FBXO25: variants seen among roughly 807,000 people sequenced by gnomAD.
The protein encoded by FBXO25 is F-box protein 25.
FBXO25 carries 45 observed loss-of-function variants against 51.9 expected under a neutral mutation model. The ratio of observed to expected loss-of-function variants is 0.87; its 90% CI spans 0.68 to 1.11. The LOEUF (loss-of-function observed/expected upper bound fraction) is 1.11. Ranked by LOEUF, FBXO25 falls within the 50% of genes most tolerant of loss-of-function variation. FBXO25 has a pLI of 0.00. For missense variants in FBXO25, 507 were observed against 428.5 expected (o/e 1.18, Z -1.62); for synonymous variants, 199 against 151.0 (o/e 1.32, Z -2.33).
chr8:434,980 G>A (rs71514145), intron 4 of FBXO25, among the ~76,000 whole-genome samples: 2,589 of 152,222 alleles, frequency 0.017, 31 homozygotes, highest in Non-Finnish European at 0.027. Flanking sequence ...AAAGCTGCCC[G>A]TGGTCACATC....
At chr8:456,203 T>C (rs1799418274) in intron 7 of FBXO25, among the ~76,000 whole-genome samples, 1 of 152,204 alleles carries the variant, frequency 6.6e-6, no homozygotes, top group Admixed American at 6.5e-5. Flanking sequence ...ACGTTATCTT[T>C]TTGTTTTGTT....
chr8:448,791 A>G (rs999830350), intron 5 of FBXO25, among the ~76,000 whole-genome samples: 8 of 152,174 alleles, frequency 5.3e-5, no homozygotes, highest in African/African-American at 1.9e-4. Context: ...AGAGGGATGG[A>G]AGGAAGAAGG....
intron 7 of FBXO25, among the ~76,000 whole-genome samples, chr8:456,629 A>G (rs954681976): frequency 1.3e-5 from 2 of 152,174 alleles, no homozygotes; most frequent in African/African-American, 4.8e-5. Flanking sequence ...ACAGGGCAGG[A>G]CAGCACACTA....
chr8:410,988 G>C (rs115390809), intron 1 of FBXO25, among the ~76,000 whole-genome samples: 2,010 of 152,054 alleles, frequency 0.013, 38 homozygotes, highest in African/African-American at 0.045. Flanking sequence ...GTATCTTCTA[G>C]GATTGTATAA....
chr8:468,360 GA>G (rs1232699319), intron 9 of FBXO25: 1 of 786,368 alleles, frequency 1.3e-6, no homozygotes, highest in African/African-American at 1.9e-5. Context: ...GAATGGCTGG[GA>G]CCAGAGGACA....
intron 2 of FBXO25, among the ~76,000 whole-genome samples, chr8:418,356 T>TTTTTTTTTTTTC (rs1796940850): frequency 7.0e-6 from 1 of 143,474 alleles, no homozygotes; most frequent in Non-Finnish European, 1.5e-5. Flanking sequence ...TTTTTTTTTT[T>TTTTTTTTTTTTC]TGAGATGGAG....
intron 2 of FBXO25, among the ~76,000 whole-genome samples, chr8:428,097 G>C (rs917905143): frequency 6.6e-6 from 1 of 152,140 alleles, no homozygotes; most frequent in Non-Finnish European, 1.5e-5. Context: ...TCCGTTCTTG[G>C]CTCTTGTTTA....
At chr8:443,180 T>C (rs1798533362) in intron 5 of FBXO25, among the ~76,000 whole-genome samples, 1 of 151,192 alleles carries the variant, frequency 6.6e-6, no homozygotes. Context: ...GGATAGGTGG[T>C]GTCAGGGCAG....
intron 5 of FBXO25, among the ~76,000 whole-genome samples, chr8:442,083 C>T (rs1001919198): frequency 6.6e-6 from 1 of 152,096 alleles, no homozygotes; most frequent in Non-Finnish European, 1.5e-5. Flanking sequence ...TATTGCTAAT[C>T]AGGCTTTTGT....
rs780315710 is a variant in FBXO25 at position 458,394 on chromosome 8, G to C, written c.686G>C (p.Ser229Thr). 14 of 1,613,852 alleles carry C rather than the reference G, an allele frequency of 8.7e-6. No individual in the cohort carries two copies. Among genetic ancestry groups the C allele is most frequent in the Non-Finnish European group, 1.0e-5 (12 of 1,179,928 alleles). Residue 229 changes from serine to threonine, a missense_variant, in exon 8 of 10, where the codon AGT becomes ACT. Ser to Thr is a moderately conservative substitution (Grantham distance 58). Transcript: ENST00000350302. ...TKQVNNGLTL[S>T]DLPLHMLNNI... Reference sequence around the variant, plus strand: ...CAAGTGAACAATGGCCTCACCCTCAGTGACCTTCCTCTGCACATGCTGAAC... The same window carrying C: ...CAAGTGAACAATGGCCTCACCCTCACTGACCTTCCTCTGCACATGCTGAAC...
At chr8:430,186 G>A (rs571933404) in intron 2 of FBXO25, among the ~76,000 whole-genome samples, 8 of 152,190 alleles carry the variant, frequency 5.3e-5, no homozygotes, top group African/African-American at 1.9e-4. Context: ...TGTAATTTTC[G>A]TTAGAAAAAC....
At chr8:433,668 T>C (rs909239076) in intron 4 of FBXO25, among the ~76,000 whole-genome samples, 2 of 152,196 alleles carry the variant, frequency 1.3e-5, no homozygotes, top group African/African-American at 4.8e-5. Flanking sequence ...TTTATAGGCC[T>C]AGAAACTCTG....
chr8:414,002 A>T (rs1023055312), intron 2 of FBXO25, among the ~76,000 whole-genome samples: 1 of 152,176 alleles, frequency 6.6e-6, no homozygotes, highest in African/African-American at 2.4e-5. Context: ...CTAGAATGTC[A>T]TGGGTCTAGT....
rs756079658 is a variant in FBXO25 at position 468,849 on chromosome 8, CTG to C, written c.*48_*49del. 1.2e-4 allele frequency: 186 copies of C among 1,556,494 alleles called. No homozygotes were observed. Among genetic ancestry groups the C allele is most frequent in the Non-Finnish European group, 1.6e-4 (183 of 1,133,768 alleles). On this transcript the variant is annotated 3_prime_UTR_variant, in exon 10 of 10. Coordinates refer to ENST00000350302, the MANE Select transcript of FBXO25 (RefSeq NM_183420.2). The stretch of plus-strand genomic sequence containing the variant: ...TATTGGAGATTGTGAATCCTGCTGT[CTG>C]TGCAGGGCTCATAGTGAGTGTTCTG...
chr8:469,006 A>C lies in FBXO25; in HGVS notation c.*202A>C, dbSNP rs1194606018. 1.8e-6 allele frequency: 1 copy of C among 548,640 alleles called. No individual in the cohort carries two copies. Among genetic ancestry groups the C allele is most frequent in the Middle Eastern group, 4.7e-4 (1 of 2,130 alleles). The allele number at this position is 548,640 out of a possible 1,614,324, so 34.0% of individuals were successfully genotyped here. A position where few individuals can be genotyped will look rare whatever the true frequency, so the allele number is the denominator to read the frequency against. On this transcript the variant is annotated 3_prime_UTR_variant, in exon 10 of 10. Coordinates refer to ENST00000350302, the MANE Select transcript of FBXO25 (RefSeq NM_183420.2). ...GTCAGAGGCCAAGGAAATCATTTCT[A>C]CTTCTTTAAAAACTCCTTCTAAGCA...
chr8:429,791 C>T (rs762002402), intron 2 of FBXO25, among the ~76,000 whole-genome samples: 1 of 152,234 alleles, frequency 6.6e-6, no homozygotes, highest in Non-Finnish European at 1.5e-5. Context: ...TGAGCCCTAC[C>T]ACTGCCCAGG....
chr8:431,537 T>C, intron 3 of FBXO25, 93 bp downstream of exon 3: 2 of 652,674 alleles, frequency 3.1e-6, no homozygotes, highest in Non-Finnish European at 5.1e-6. Flanking sequence ...TAAAAGGTGA[T>C]ACAAATATGT....
intron 4 of FBXO25, among the ~76,000 whole-genome samples, chr8:433,443 T>C (rs1337370962): frequency 1.3e-5 from 2 of 152,168 alleles, no homozygotes; most frequent in Admixed American, 6.5e-5. Context: ...TGGCGTGTTT[T>C]GGAGGGCAGG....
At chr8:463,968 T>TG (rs34721814) in intron 9 of FBXO25, among the ~76,000 whole-genome samples, 14,637 of 152,018 alleles carry the variant, frequency 0.096, 908 homozygotes, top group South Asian at 0.18. Context: ...CACTTCTTTT[T>TG]TTTGTTTGTT....
Sources: allele counts gnomAD v4.1 joint callset (sites outside exome capture counted in the v4.1 genomes callset), GRCh38; gene constraint gnomAD v4.1.1; transcripts MANE v1.5; gene names NCBI Gene and HGNC (gene_info 2026-07-23, HGNC 2026-07-21).